Variants in ARGFX observed in about 807,000 individuals in gnomAD.
ARGFX encodes the protein arginine-fifty homeobox.
A neutral mutation model predicts 8.0 loss-of-function variants in ARGFX; 10 were observed. That is an observed-to-expected ratio of 1.25 (90% confidence interval 0.77 to 2.12). The LOEUF is 2.12. ARGFX is among the 30% of genes most tolerant of loss of function. ARGFX has a pLI of 0.00. For missense variants in ARGFX, 282 were observed against 324.3 expected (o/e 0.87, Z 1.00); for synonymous variants, 116 against 117.8 (o/e 0.98, Z 0.10).
rs1385009943 is a variant in ARGFX, at chr3:121,589,273, T to C, written c.*2673T>C. 6.6e-6 allele frequency among the ~76,000 whole-genome samples: 1 copy of C among 152,178 alleles called. No homozygotes were observed. Among genetic ancestry groups the C allele is most frequent in the Non-Finnish European group, 1.5e-5 (1 of 68,020 alleles). On this transcript the variant is annotated 3_prime_UTR_variant, in exon 5 of 5. Coordinates refer to ENST00000334384, the MANE Select transcript of ARGFX (RefSeq NM_001012659.2). ...AACCAAAACATGGGATGAAGCTAAA[T>C]CAATGCTTAGAAGGAAATTTATAGC... is the stretch of plus-strand genomic sequence containing the variant.
rs1293925620 is a variant in ARGFX at position 121,587,012 on chromosome 3, C to T, written c.*412C>T. Among the ~76,000 whole-genome samples the T allele has an allele frequency of 6.6e-6, 1 of 151,980 alleles. No individual in the cohort carries two copies. The highest frequency in any genetic ancestry group is 1.5e-5 in the Non-Finnish European group (1 of 67,990). ...TCAGGTGATCCTCCCACCTCAGCCT[C>T]CTGAGTAGCTAGGACTACAGATGCT... On this transcript the variant is annotated 3_prime_UTR_variant, in exon 5 of 5. Transcript: ENST00000334384.
chr3:121,586,567 A>G lies in ARGFX; in HGVS notation c.915A>G (p.Lys305=), dbSNP rs1240597867. 6.2e-7 allele frequency: 1 copy of G among 1,613,964 alleles called. No individual in the cohort carries two copies. ...YSLTDSLEFQ[K]TSNMVDLGFL ...TAACAGATAGCCTGGAATTCCAGAA[A>G]ACCTCCAATATGGTAGACTTGGGAT... is the stretch of plus-strand genomic sequence containing the variant. The change falls in exon 5 of 5, where the codon AAA becomes AAG. Residue 305 remains lysine, a synonymous_variant. Transcript: ENST00000334384.
In ARGFX at chr3:121,587,195, G is replaced by A. The variant is rs1266832941; in HGVS notation, c.*595G>A. ...GCCTCCTGAGTAGCTGGGATTACAG[G>A]CGTGTGCCACCATGCCTGGCTAACT... On this transcript the variant is annotated 3_prime_UTR_variant, in exon 5 of 5. Coordinates refer to ENST00000334384, the MANE Select transcript of ARGFX (RefSeq NM_001012659.2). 6.6e-6 allele frequency among the ~76,000 whole-genome samples: 1 copy of A among 152,130 alleles called. No homozygotes were observed. The highest frequency in any genetic ancestry group is 1.5e-5 in the Non-Finnish European group (1 of 68,028).
At position 121,582,646 on chromosome 3, in the gene ARGFX, T is replaced by C. The variant is rs375696059; in HGVS notation, c.221-2271T>C. On this transcript the variant is annotated intron_variant, in intron 3 of 4. Coordinates refer to ENST00000334384, the MANE Select transcript of ARGFX (RefSeq NM_001012659.2). The stretch of plus-strand genomic sequence containing the variant: ...TTTTGCCTGATTTTAGTATTGGTAT[T>C]ATGGACTTTTAAGTACAAGAAGGGA... Among the ~76,000 whole-genome samples the C allele has an allele frequency of 2.6e-5, 4 of 152,166 alleles. No individual in the cohort carries two copies. In the East Asian group the frequency reaches 7.7e-4, roughly 29 times the overall value.
Position 121,586,991 on chromosome 3 carries a change from G to A in ARGFX, c.*391G>A, listed in dbSNP as rs2048816388. Among the ~76,000 whole-genome samples, 1 of 152,042 alleles carries A rather than the reference G, an allele frequency of 6.6e-6. No individual in the cohort carries two copies. The highest frequency in any genetic ancestry group is 2.1e-4 in the South Asian group (1 of 4,824). ...AAAAGCCTTGACCTCCTGGGCTCAGGTGATCCTCCCACCTCAGCCTCCTGA... is the reference window on the plus strand; with the variant it reads ...AAAAGCCTTGACCTCCTGGGCTCAGATGATCCTCCCACCTCAGCCTCCTGA... On this transcript the variant is annotated 3_prime_UTR_variant, in exon 5 of 5. Coordinates refer to ENST00000334384, the MANE Select transcript of ARGFX (RefSeq NM_001012659.2).
chr3:121,574,583 G>C (rs1361140062), intron 2 of ARGFX, among the ~76,000 whole-genome samples: 1 of 152,192 alleles, frequency 6.6e-6, no homozygotes. Context: ...AATGCTACCA[G>C]CTGATCTGAC....
rs1323395188 is a variant in ARGFX, at chr3:121,582,854, CT to C, written c.221-2062del. On this transcript the variant is annotated intron_variant, in intron 3 of 4. Coordinates refer to ENST00000334384, the MANE Select transcript of ARGFX (RefSeq NM_001012659.2). ...CCATAGCTGGGACCACAGGCATGTG[CT>C]ACCATGCCCACCTAATTTTTAAACA... is the stretch of plus-strand genomic sequence containing the variant. 2.6e-5 allele frequency among the ~76,000 whole-genome samples: 4 copies of C among 151,916 alleles called. No individual in the cohort carries two copies. The East Asian group carries it at 7.8e-4, about 29-fold the overall frequency.
intron 3 of ARGFX, among the ~76,000 whole-genome samples, chr3:121,583,721 C>T (rs2048794167): frequency 6.6e-6 from 1 of 151,732 alleles, no homozygotes; most frequent in Non-Finnish European, 1.5e-5. Context: ...GAGACAGGGT[C>T]TCCCTACACT....
At chr3:121,568,459 T>C (rs1362603006) in intron 1 of ARGFX, among the ~76,000 whole-genome samples, 1 of 152,258 alleles carries the variant, frequency 6.6e-6, no homozygotes, top group Non-Finnish European at 1.5e-5. Flanking sequence ...CCTTATGCTC[T>C]TGATAGCCTC....
At chr3:121,578,959 G>A (rs1381442473) in intron 3 of ARGFX, among the ~76,000 whole-genome samples, 3 of 151,912 alleles carry the variant, frequency 2.0e-5, no homozygotes, top group African/African-American at 7.3e-5. Flanking sequence ...TTAAAGGCGT[G>A]AGCCACCGTG....
Position 121,589,623 on chromosome 3 carries a change from G to A in ARGFX, c.*3023G>A, listed in dbSNP as rs542985910. ...ACTCCTGAGCTCAAGTGATCCTCCC[G>A]TCTCAGCCTCCCAAAGGGCTGAGAT... is the stretch of plus-strand genomic sequence containing the variant. On this transcript the variant is annotated 3_prime_UTR_variant, in exon 5 of 5. Coordinates refer to ENST00000334384, the MANE Select transcript of ARGFX (RefSeq NM_001012659.2). Among the ~76,000 whole-genome samples the A allele has an allele frequency of 5.9e-5, 9 of 152,160 alleles. No homozygotes were observed. The highest frequency in any genetic ancestry group is 1.9e-4 in the East Asian group (1 of 5,178).
At chr3:121,582,960 C>G (rs2048789038) in intron 3 of ARGFX, among the ~76,000 whole-genome samples, 1 of 151,916 alleles carries the variant, frequency 6.6e-6, no homozygotes, top group Non-Finnish European at 1.5e-5. Flanking sequence ...CCTGCCTTGG[C>G]CTCCCAAAGT....
In ARGFX at chr3:121,574,352, A is replaced by G. The variant is rs376606465; in HGVS notation, c.104-2432A>G. Among the ~76,000 whole-genome samples the G allele has an allele frequency of 3.9e-5, 6 of 152,142 alleles. No homozygotes were observed. The East Asian group carries it at 1.2e-3, about 29-fold the overall frequency. On this transcript the variant is annotated intron_variant, in intron 2 of 4. Coordinates refer to ENST00000334384, the MANE Select transcript of ARGFX (RefSeq NM_001012659.2). ...TACATTTATTGCACATTTTATTTCT[A>G]TTATTATTACATTGTAATATATAAT...
In ARGFX at chr3:121,588,311, C is replaced by CAAAAAAAAAAAAAAAA. The variant is rs756800220; in HGVS notation, c.*1716_*1731dup. 3.9e-5 allele frequency among the ~76,000 whole-genome samples: 2 copies of CAAAAAAAAAAAAAAAA among 51,486 alleles called. 1 individual carries two copies. The highest frequency in any genetic ancestry group is 8.8e-5 in the Non-Finnish European group (2 of 22,722). 33.8% of individuals were successfully genotyped at this position (51,486 alleles called of 152,430 possible). A position where few individuals can be genotyped will look rare whatever the true frequency, so the allele number is the denominator to read the frequency against. ...TGAAATCCCGTCTCTACTAAAAATA[C>CAAAAAAAAAAAAAAAA]AAAAAAAAAAAAAAAAAAAAGCCAG... On this transcript the variant is annotated 3_prime_UTR_variant, in exon 5 of 5. Coordinates refer to ENST00000334384, the MANE Select transcript of ARGFX (RefSeq NM_001012659.2).
intron 2 of ARGFX, among the ~76,000 whole-genome samples, chr3:121,576,583 C>T (rs1206011342): frequency 1.3e-5 from 2 of 152,054 alleles, no homozygotes; most frequent in African/African-American, 4.8e-5. Context: ...GTGATCTAGC[C>T]GCCTCAGCCT....
intron 4 of ARGFX, among the ~76,000 whole-genome samples, chr3:121,585,789 C>A (rs2048808505): frequency 6.6e-6 from 1 of 152,136 alleles, no homozygotes; most frequent in Non-Finnish European, 1.5e-5. Context: ...CTCTGAACAC[C>A]CAGCACAAAC....
Position 121,584,205 on chromosome 3 carries a change from A to G in ARGFX, c.221-712A>G, listed in dbSNP as rs1050962023. ...AAAAAAGAGAGAGAGACAGAGAGAGAGGAAGGAAGGAAGGAAGGAAGGAAG... is the reference window on the plus strand; with the variant it reads ...AAAAAAGAGAGAGAGACAGAGAGAGGGGAAGGAAGGAAGGAAGGAAGGAAG... On this transcript the variant is annotated intron_variant, in intron 3 of 4. Coordinates refer to ENST00000334384, the MANE Select transcript of ARGFX (RefSeq NM_001012659.2). Among the ~76,000 whole-genome samples, 3 of 11,682 alleles carry G rather than the reference A, an allele frequency of 2.6e-4. No homozygotes were observed. In the East Asian group the frequency reaches 9.0e-3, roughly 35 times the overall value. 7.7% of individuals were successfully genotyped at this position (11,682 alleles called of 152,430 possible).
rs577918636 is a variant in ARGFX at position 121,576,889 on chromosome 3, C to T, written c.209C>T (p.Ala70Val). 4.7e-4 allele frequency: 174 copies of T among 373,228 alleles called. 2 individuals are homozygous for T. The highest frequency in any genetic ancestry group is 3.4e-3 in the South Asian group (170 of 50,366). The allele number at this position is 373,228 out of a possible 1,614,324, so 23.1% of individuals were successfully genotyped here. A position where few individuals can be genotyped will look rare whatever the true frequency, so the allele number is the denominator to read the frequency against. Residue 70 changes from alanine to valine, a missense_variant, in exon 3 of 5, where the codon GCT (alanine) becomes GTT (valine). By Grantham distance (64) the Ala-to-Val change is moderately conservative (BLOSUM62 0). Coordinates refer to ENST00000334384, the MANE Select transcript of ARGFX (RefSeq NM_001012659.2). ...TDPPTSASRVAATTAIRRRHK... is the reference protein window; with the variant it reads ...TDPPTSASRVVATTAIRRRHK... ...CCTCCCACCTCAGCCTCCCGAGTAG[C>T]TGCGACTACAGGTGCGTGCCACTAC...
At position 121,569,523 on chromosome 3, in the gene ARGFX, G is replaced by A. The variant is rs201694262; in HGVS notation, c.-12-1179G>A. ...TGGGACTACAGGTGCGTGCCACCACGCCCAGCTAATTTTCGTATTCTTAGT... is the reference window on the plus strand; with the variant it reads ...TGGGACTACAGGTGCGTGCCACCACACCCAGCTAATTTTCGTATTCTTAGT... On this transcript the variant is annotated intron_variant, in intron 1 of 4. Transcript: ENST00000334384. Among the ~76,000 whole-genome samples, 161 of 152,106 alleles carry A rather than the reference G, an allele frequency of 1.1e-3. 1 individual carries two copies. In the East Asian group the frequency reaches 0.022, roughly 21 times the overall value.
Sources: allele counts gnomAD v4.1 joint callset (sites outside exome capture counted in the v4.1 genomes callset), GRCh38; gene constraint gnomAD v4.1.1; transcripts MANE v1.5; gene names NCBI Gene and HGNC (gene_info 2026-07-23, HGNC 2026-07-21).